The following SCAI variants were observed in gnomAD, a reference collection of about 807,000 sequenced individuals.
SCAI encodes the protein protein SCAI.
SCAI carries 24 observed loss-of-function variants against 92.2 expected under a neutral mutation model. The ratio of observed to expected loss-of-function variants is 0.26; its 90% CI spans 0.19 to 0.37. The LOEUF is 0.37. SCAI is among the 10% of genes least tolerant of loss of function. SCAI has a pLI of 1.00. For missense variants in SCAI, 450 were observed against 736.2 expected (o/e 0.61, Z 4.50); for synonymous variants, 261 against 258.6 (o/e 1.01, Z -0.09).
rs568118522 is a variant in SCAI, at chr9:125,142,494, C to A, written c.98+139G>T. The A allele has an allele frequency of 1.1e-5, 7 of 620,414 alleles. No individual in the cohort carries two copies. In the Admixed American group the frequency reaches 1.6e-4, roughly 14 times the overall value. 38.4% of individuals were successfully genotyped at this position (620,414 alleles called of 1,614,324 possible). ...AATTTGAAGTCCTCAAAAGAAAAAT[C>A]ATGCATGTGGTTATATTCTTTTAAA... is the stretch of plus-strand genomic sequence containing the variant. On this transcript the variant is annotated intron_variant, in intron 2 of 17. Coordinates refer to ENST00000336505, the MANE Select transcript of SCAI (RefSeq NM_001144877.3).
In SCAI at chr9:124,962,176, G is replaced by GGC. The variant is rs1554774817; in HGVS notation, c.1674+9193_1674+9194insGC. On this transcript the variant is annotated intron_variant, in intron 17 of 17. Coordinates refer to ENST00000336505, the MANE Select transcript of SCAI (RefSeq NM_001144877.3). ...TTTTTTTTTTTTTTTTTTTTGCGGGGGGGGATGGAGTCTTGCTCTGTCGCC... is the reference window on the plus strand; with the variant it reads ...TTTTTTTTTTTTTTTTTTTTGCGGGGGCGGGGATGGAGTCTTGCTCTGTCGCC... 3.7e-3 allele frequency among the ~76,000 whole-genome samples: 529 copies of GGC among 143,844 alleles called. 19 individuals carry two copies. Among genetic ancestry groups the GGC allele is most frequent in the Non-Finnish European group, 5.2e-3 (343 of 65,902 alleles). The allele number at this position is 143,844 out of a possible 152,430, so 94.4% of individuals were successfully genotyped here. A position where few individuals can be genotyped will look rare whatever the true frequency, so the allele number is the denominator to read the frequency against.
chr9:124,995,184 T>C (rs1428902084), intron 13 of SCAI, among the ~76,000 whole-genome samples, 169 bp from the exon 14 acceptor site: 3 of 151,882 alleles, frequency 2.0e-5, no homozygotes, highest in South Asian at 4.2e-4. Flanking sequence ...ATAGCCAAGA[T>C]AGTTCTATTT....
chr9:124,998,621 T>A (rs1832294455), intron 13 of SCAI, among the ~76,000 whole-genome samples: 1 of 152,264 alleles, frequency 6.6e-6, no homozygotes, highest in African/African-American at 2.4e-5. Flanking sequence ...TGTTATATAG[T>A]TTTTATTTTC....
intron 2 of SCAI, among the ~76,000 whole-genome samples, chr9:125,071,889 C>A (rs1480084528): frequency 1.3e-5 from 2 of 152,198 alleles, no homozygotes; most frequent in East Asian, 3.8e-4. Flanking sequence ...AAACTAAGTT[C>A]TGATTAGCAT....
intron 2 of SCAI, among the ~76,000 whole-genome samples, chr9:125,086,173 C>T (rs1834322327): frequency 6.6e-6 from 1 of 152,178 alleles, no homozygotes; most frequent in African/African-American, 2.4e-5. Flanking sequence ...TCGTCATCCC[C>T]TTCCTAAATT....
At position 125,072,039 on chromosome 9, in the gene SCAI, T is replaced by TA. The variant is rs949726111; in HGVS notation, c.99-16033_99-16032insT. Among the ~76,000 whole-genome samples the TA allele has an allele frequency of 2.6e-5, 4 of 151,718 alleles. No individual in the cohort carries two copies. In the East Asian group the frequency reaches 7.7e-4, roughly 29 times the overall value. On this transcript the variant is annotated intron_variant, in intron 2 of 17. Transcript: ENST00000336505. ...GGATAGTAGATAGTCTTTTTTTTTT[T>TA]TTTCTGAGACAGTCTTGCTCTGTCA...
chr9:125,121,769 C>T (rs1835160248), intron 2 of SCAI, among the ~76,000 whole-genome samples: 1 of 152,100 alleles, frequency 6.6e-6, no homozygotes, highest in Non-Finnish European at 1.5e-5. Context: ...ATGAGAATTG[C>T]TTGAACCTGG....
intron 2 of SCAI, among the ~76,000 whole-genome samples, chr9:125,074,798 A>G (rs1458164340): frequency 6.6e-6 from 1 of 151,862 alleles, no homozygotes; most frequent in Non-Finnish European, 1.5e-5. Flanking sequence ...CGAAGTCAGG[A>G]GTTCGAGACC....
At chr9:125,123,258 G>C (rs1588242600) in intron 2 of SCAI, among the ~76,000 whole-genome samples, 1 of 152,244 alleles carries the variant, frequency 6.6e-6, no homozygotes, top group East Asian at 1.9e-4. Flanking sequence ...AGCAACTCGG[G>C]AGGCTGAGGC....
At chr9:125,002,499 TGAAACAGA>T (rs1564373471) in intron 11 of SCAI, among the ~76,000 whole-genome samples, 2 of 147,208 alleles carry the variant, frequency 1.4e-5, no homozygotes, top group Non-Finnish European at 1.5e-5. Flanking sequence ...TTTTTTTTTT[TGAAACAGA>T]GTTTCACTCT....
In SCAI at chr9:124,951,218, AAAT is replaced by A; in HGVS notation, c.*1586_*1588del. 6.6e-6 allele frequency: 1 copy of A among 151,624 alleles called. No homozygotes were observed. Among genetic ancestry groups the A allele is most frequent in the East Asian group, 2.0e-4 (1 of 5,124 alleles). The allele number at this position is 151,624 out of a possible 1,614,324, so 9.4% of individuals were successfully genotyped here. A position where few individuals can be genotyped will look rare whatever the true frequency, so the allele number is the denominator to read the frequency against. ...ATGCCAGAAATGAAAACCAAGTTAA[AAAT>A]AATAGCCAGGTGCGGTGGCTCACGC... On this transcript the variant is annotated 3_prime_UTR_variant, in exon 18 of 18. Coordinates refer to ENST00000336505, the MANE Select transcript of SCAI (RefSeq NM_001144877.3).
At position 124,995,783 on chromosome 9, in the gene SCAI, GC is replaced by G. The variant is rs141121066; in HGVS notation, c.1245-769del. On this transcript the variant is annotated intron_variant, in intron 13 of 17. Coordinates refer to ENST00000336505, the MANE Select transcript of SCAI (RefSeq NM_001144877.3). The stretch of plus-strand genomic sequence containing the variant: ...TAGGATTATGGGCATGAGTCACTGT[GC>G]CCAGCTACTTTTTACCATATGTTTC... Among the ~76,000 whole-genome samples, 45 of 152,242 alleles carry G rather than the reference GC, an allele frequency of 3.0e-4. No homozygotes were observed. The East Asian group carries it at 6.4e-3, about 22-fold the overall frequency.
At chr9:125,066,479 G>C (rs981331828) in intron 2 of SCAI, among the ~76,000 whole-genome samples, 1 of 146,558 alleles carries the variant, frequency 6.8e-6, no homozygotes, top group Admixed American at 6.8e-5. Flanking sequence ...TTTTTGAGAC[G>C]GAGTCTCGCT....
At chr9:125,038,722 A>C (rs969759895) in intron 3 of SCAI, among the ~76,000 whole-genome samples, 9 of 152,348 alleles carry the variant, frequency 5.9e-5, no homozygotes, top group Non-Finnish European at 8.8e-5. Context: ...GTTCTTCCTG[A>C]ATATCACTAG....
At chr9:125,077,602 A>C (rs1196928527) in intron 2 of SCAI, among the ~76,000 whole-genome samples, 1 of 152,060 alleles carries the variant, frequency 6.6e-6, no homozygotes, top group East Asian at 1.9e-4. Context: ...ATCCTCAACA[A>C]CACTTGTTAT....
chr9:125,038,881 G>C (rs1297380981), intron 3 of SCAI, among the ~76,000 whole-genome samples: 2 of 152,110 alleles, frequency 1.3e-5, no homozygotes, highest in African/African-American at 4.8e-5. Context: ...CATCTTTCTT[G>C]CTTTATTTAA....
intron 13 of SCAI, among the ~76,000 whole-genome samples, chr9:124,998,197 G>T (rs1832284039): frequency 6.6e-6 from 1 of 152,126 alleles, no homozygotes; most frequent in African/African-American, 2.4e-5. Flanking sequence ...CAGCGCGGTG[G>T]CTCATGCCTG....
At chr9:125,107,749 C>G (rs886845303) in intron 2 of SCAI, among the ~76,000 whole-genome samples, 1 of 152,188 alleles carries the variant, frequency 6.6e-6, no homozygotes, top group Non-Finnish European at 1.5e-5. Flanking sequence ...GCCTCGGCAA[C>G]AGAGCAAGAC....
At chr9:125,029,329 C>T (rs1237501195) in intron 4 of SCAI, among the ~76,000 whole-genome samples, 1 of 151,958 alleles carries the variant, frequency 6.6e-6, no homozygotes, top group South Asian at 2.1e-4. Context: ...GCCATGCTGC[C>T]AAGGCTGGTC....
Sources: gnomAD v4.1 joint callset for allele counts (sites outside exome capture counted in the v4.1 genomes callset) on GRCh38, gnomAD v4.1.1 for gene constraint, MANE v1.5 for transcripts, NCBI Gene and HGNC (gene_info 2026-07-23, HGNC 2026-07-21) for gene names.